The following NRG3 variants were observed in gnomAD, a reference collection of about 807,000 sequenced individuals.
NRG3 encodes neuregulin 3.
NRG3 carries 31 observed loss-of-function variants against 66.9 expected under a neutral mutation model. That is an observed-to-expected ratio of 0.46 (90% CI 0.35 to 0.63). The LOEUF (loss-of-function observed/expected upper bound fraction) is 0.63, where lower values mean the gene tolerates loss of function less well. Among genes scored for constraint, NRG3 ranks in the 20% least tolerant of loss-of-function variants. The pLI is 0.00. For missense variants in NRG3, 910 were observed against 878.9 expected, an observed-to-expected ratio of 1.04 and a Z score of -0.45; for synonymous variants, 393 against 359.4, an observed-to-expected ratio of 1.09 and a Z score of -1.06.
chr10:82,676,378 A>C (rs938749905), intron 2 of NRG3, among the ~76,000 whole-genome samples: 1 of 152,184 alleles, frequency 6.6e-6, no homozygotes, highest in African/African-American at 2.4e-5. Context: ...GTAACTCTAA[A>C]GGTGAAAGGA....
intron 2 of NRG3, among the ~76,000 whole-genome samples, chr10:82,712,663 G>A (rs575088157): frequency 6.6e-6 from 1 of 152,264 alleles, no homozygotes; most frequent in South Asian, 2.1e-4. Flanking sequence ...AGTTAAAGAT[G>A]CTGGTCAGGG....
intron 2 of NRG3, among the ~76,000 whole-genome samples, chr10:82,487,434 A>G (rs951574407): frequency 1.2e-4 from 19 of 152,196 alleles, no homozygotes; most frequent in Admixed American, 8.5e-4. Context: ...GGGTAACACT[A>G]TTCTGTGAAC....
chr10:82,220,186 C>CTGTG (rs60708384), intron 1 of NRG3, among the ~76,000 whole-genome samples: 41 of 149,922 alleles, frequency 2.7e-4, no homozygotes, highest in Admixed American at 1.5e-3. Flanking sequence ...TGTATCTTTA[C>CTGTG]TGTGTGTGTG....
rs755037195 is a variant in NRG3 at position 82,370,162 on chromosome 10, G to A, written c.953+11294G>A. Among the ~76,000 whole-genome samples the A allele has an allele frequency of 5.0e-5, 7 of 139,174 alleles. 1 individual carries two copies. The highest frequency in any genetic ancestry group is 1.0e-4 in the Non-Finnish European group (7 of 67,604). 91.3% of individuals were successfully genotyped at this position (139,174 alleles called of 152,430 possible). A position where few individuals can be genotyped will look rare whatever the true frequency, so the allele number is the denominator to read the frequency against. ...CAGGGGGCCAGTGTGACAGCCTTCTGTATCCCAAGCTCTTGCCCAGTGGCT... is the reference window on the plus strand; with the variant it reads ...CAGGGGGCCAGTGTGACAGCCTTCTATATCCCAAGCTCTTGCCCAGTGGCT... On this transcript the variant is annotated intron_variant, in intron 2 of 8. Coordinates refer to ENST00000372141, the MANE Select transcript of NRG3 (RefSeq NM_001010848.4).
chr10:82,200,326 G>A (rs1436286633), intron 1 of NRG3, among the ~76,000 whole-genome samples: 1 of 152,138 alleles, frequency 6.6e-6, no homozygotes, highest in Non-Finnish European at 1.5e-5. Flanking sequence ...CTGACACACT[G>A]ATATGAACTC....
At chr10:82,796,552 A>G (rs2060810254) in intron 3 of NRG3, among the ~76,000 whole-genome samples, 1 of 152,188 alleles carries the variant, frequency 6.6e-6, no homozygotes, top group Non-Finnish European at 1.5e-5. Flanking sequence ...TAGCTACAAT[A>G]GAAGCAAAGG....
At chr10:82,704,113 C>T (rs1373216647) in intron 2 of NRG3, among the ~76,000 whole-genome samples, 2 of 152,080 alleles carry the variant, frequency 1.3e-5, no homozygotes, top group Non-Finnish European at 2.9e-5. Context: ...CAACTTCTAT[C>T]ATTTGTTCCT....
At chr10:82,357,415 T>C (rs1340383461) in intron 1 of NRG3, among the ~76,000 whole-genome samples, 6 of 152,210 alleles carry the variant, frequency 3.9e-5, no homozygotes, top group Non-Finnish European at 8.8e-5. Flanking sequence ...TCATTTACTG[T>C]CTTAGTCCAT....
intron 1 of NRG3, among the ~76,000 whole-genome samples, chr10:82,275,126 A>T (rs1376645673): frequency 2.0e-5 from 3 of 152,092 alleles, no homozygotes; most frequent in African/African-American, 4.8e-5. Flanking sequence ...TGAATCCAAT[A>T]ACCTAACAAT....
chr10:82,809,904 G>T, intron 3 of NRG3, among the ~76,000 whole-genome samples: 1 of 149,020 alleles, frequency 6.7e-6, no homozygotes, highest in Non-Finnish European at 1.5e-5. Context: ...AATCTACTGG[G>T]TTGTAAAGGC....
intron 6 of NRG3, among the ~76,000 whole-genome samples, chr10:82,970,004 T>A (rs1010286858): frequency 6.6e-6 from 1 of 152,240 alleles, no homozygotes; most frequent in African/African-American, 2.4e-5. Context: ...TTTATTCTTT[T>A]CAATGGCTGT....
At chr10:82,386,556 T>G (rs1419200396) in intron 2 of NRG3, among the ~76,000 whole-genome samples, 1 of 152,200 alleles carries the variant, frequency 6.6e-6, no homozygotes, top group African/African-American at 2.4e-5. Flanking sequence ...TATTCCTTTC[T>G]CATTTTCTCT....
chr10:82,656,165 A>C (rs541381349), intron 2 of NRG3, among the ~76,000 whole-genome samples: 2 of 152,300 alleles, frequency 1.3e-5, no homozygotes, highest in East Asian at 3.9e-4. Context: ...GGATTTTTTT[A>C]ATTACACAAG....
chr10:82,893,924 C>T (rs1449217053), intron 4 of NRG3, among the ~76,000 whole-genome samples: 1 of 151,978 alleles, frequency 6.6e-6, no homozygotes, highest in Non-Finnish European at 1.5e-5. Context: ...TAAAAATTAT[C>T]AGATAAAGAG....
intron 2 of NRG3, among the ~76,000 whole-genome samples, chr10:82,599,910 G>C (rs1223951062): frequency 6.6e-6 from 1 of 152,162 alleles, no homozygotes; most frequent in Non-Finnish European, 1.5e-5. Flanking sequence ...GTATTAGAAT[G>C]ATATTAAGCA....
chr10:82,826,359 T>A (rs1322041520), intron 3 of NRG3, among the ~76,000 whole-genome samples: 1 of 152,234 alleles, frequency 6.6e-6, no homozygotes, highest in Non-Finnish European at 1.5e-5. Flanking sequence ...GCTGCCTGGA[T>A]GTTTTCCAAT....
chr10:81,888,379 G>A (rs562995198), intron 1 of NRG3, among the ~76,000 whole-genome samples: 1 of 152,194 alleles, frequency 6.6e-6, no homozygotes, highest in South Asian at 2.1e-4. Flanking sequence ...TCCTGAGAAT[G>A]GCATTATTAC....
chr10:82,979,224 T>C, intron 8 of NRG3, 104 bp downstream of exon 8: 1 of 1,171,428 alleles, frequency 8.5e-7, no homozygotes, highest in South Asian at 1.5e-5. Context: ...ATTTATTCAT[T>C]AACTGGCTAT....
At chr10:82,451,506 A>G (rs551018195) in intron 2 of NRG3, among the ~76,000 whole-genome samples, 1 of 152,332 alleles carries the variant, frequency 6.6e-6, no homozygotes, top group South Asian at 2.1e-4. Context: ...AGCAAAACCC[A>G]GGAGTGATGG....
Sources: gnomAD v4.1 joint callset for allele counts (sites outside exome capture counted in the v4.1 genomes callset) on GRCh38, gnomAD v4.1.1 for gene constraint, MANE v1.5 for transcripts, NCBI Gene and HGNC (gene_info 2026-07-23, HGNC 2026-07-21) for gene names.